The following ADAMTS16 variants were observed in gnomAD, a reference collection of about 807,000 sequenced individuals.
ADAMTS16 encodes the protein ADAM metallopeptidase with thrombospondin type 1 motif 16.
Under a neutral mutation model 145.8 loss-of-function variants are expected in ADAMTS16, and 94 were observed. The observed-to-expected ratio is 0.64, with a 90% CI of 0.55 to 0.77. The LOEUF is 0.77. Ranked by LOEUF, ADAMTS16 falls within the 30% of genes least tolerant of loss-of-function variation. The pLI is 0.00. For missense variants in ADAMTS16, 1,585 were observed against 1,591.5 expected (o/e 1.00, Z 0.07); for synonymous variants, 659 against 604.3 (o/e 1.09, Z -1.33).
intron 18 of ADAMTS16, among the ~76,000 whole-genome samples, chr5:5,294,422 C>T (rs1013907363): frequency 1.3e-5 from 2 of 152,130 alleles, no homozygotes; most frequent in African/African-American, 4.8e-5. Context: ...ACCAGAAGCC[C>T]AGGAAGGAGT....
intron 11 of ADAMTS16, among the ~76,000 whole-genome samples, chr5:5,230,938 C>G (rs183900698): frequency 6.6e-6 from 1 of 152,314 alleles, no homozygotes; most frequent in African/African-American, 2.4e-5. Flanking sequence ...GTTATTCAAC[C>G]TGTTGAAATT....
At chr5:5,301,762 A>T (rs1739783822) in intron 18 of ADAMTS16, among the ~76,000 whole-genome samples, 1 of 152,176 alleles carries the variant, frequency 6.6e-6, no homozygotes, top group Non-Finnish European at 1.5e-5. Context: ...TTACCCTGAG[A>T]TTCAGGAGCA....
At chr5:5,181,982 C>T (rs774980143) in intron 3 of ADAMTS16, 62 bp from the exon 4 acceptor site, 16 of 1,507,708 alleles carry the variant, frequency 1.1e-5, no homozygotes, top group South Asian at 1.3e-5. Flanking sequence ...CTTGGAGAAT[C>T]GGCCCTGGCT....
rs1734231952 is a variant in ADAMTS16, at chr5:5,320,234, C to G, written c.*1096C>G. On this transcript the variant is annotated 3_prime_UTR_variant, in exon 23 of 23. Coordinates refer to ENST00000274181, the MANE Select transcript of ADAMTS16 (RefSeq NM_139056.4). This position sits in a 1 kb window ranked among gnomAD's most constrained non-coding sequence, Gnocchi z 5.1. Reference sequence around the variant, plus strand: ...TGTTCTCCTGTCCGGTGCTGTGGCTCCATTCCAAAGGGGCACCTGGATATT... The same window carrying G: ...TGTTCTCCTGTCCGGTGCTGTGGCTGCATTCCAAAGGGGCACCTGGATATT... The G allele has an allele frequency of 4.0e-6, 1 of 248,190 alleles. No homozygotes were observed. The highest frequency in any genetic ancestry group is 7.7e-6 in the Non-Finnish European group (1 of 129,538). 15.4% of individuals were successfully genotyped at this position (248,190 alleles called of 1,614,324 possible).
intron 21 of ADAMTS16, among the ~76,000 whole-genome samples, chr5:5,312,507 G>A (rs1740501140): frequency 6.6e-6 from 1 of 150,544 alleles, no homozygotes; most frequent in South Asian, 2.1e-4. Flanking sequence ...TAGTGCAGTG[G>A]TGCAATCTCA....
intron 18 of ADAMTS16, among the ~76,000 whole-genome samples, chr5:5,301,548 T>G (rs1739769725): frequency 6.6e-6 from 1 of 152,208 alleles, no homozygotes; most frequent in Non-Finnish European, 1.5e-5. Context: ...TCTCTCACTG[T>G]GTAACTTGGG....
chr5:5,316,814 C>T (rs371916094), intron 21 of ADAMTS16, among the ~76,000 whole-genome samples: 1 of 152,140 alleles, frequency 6.6e-6, no homozygotes, highest in African/African-American at 2.4e-5. Flanking sequence ...CCCCGTCGGA[C>T]CACCAGAAAG....
Position 5,149,784 on chromosome 5 carries a change from A to G in ADAMTS16, c.501+3329A>G, listed in dbSNP as rs1319050756. On this transcript the variant is annotated intron_variant, in intron 3 of 22. Coordinates refer to ENST00000274181, the MANE Select transcript of ADAMTS16 (RefSeq NM_139056.4). ...GGTTTGCCTAATCTGGCCATTGATT[A>G]TAAACAGAAGCATACACTATGTGGC... is the stretch of plus-strand genomic sequence containing the variant. Among the ~76,000 whole-genome samples the G allele has an allele frequency of 2.6e-5, 4 of 152,222 alleles. No individual in the cohort carries two copies. In the East Asian group the frequency reaches 7.7e-4, roughly 29 times the overall value.
At position 5,239,268 on chromosome 5, in the gene ADAMTS16, A is replaced by C; in HGVS notation, c.2272A>C (p.Thr758Pro). 6.4e-7 allele frequency: 1 copy of C among 1,566,430 alleles called. No homozygotes were observed. Among genetic ancestry groups the C allele is most frequent in the South Asian group, 1.2e-5 (1 of 81,940 alleles). ...HRGLYTKHHHTNQYYHMVTIP... is the reference protein window; with the variant it reads ...HRGLYTKHHHPNQYYHMVTIP... The stretch of plus-strand genomic sequence containing the variant: ...GGGTCTCTACACCAAGCACCACCAC[A>C]CCAACCGTGAGTACTTTAGAGCTGC... The change falls in exon 15 of 23, where the codon ACC (threonine) becomes CCC (proline). Residue 758 changes from threonine (T) to proline (P), a missense_variant. Thr to Pro is a conservative substitution (Grantham distance 38). Around this residue, in one of 3 missense-constraint regions of ADAMTS16, gnomAD observed 834 missense variants for 811.7 expected, o/e 1.03. Coordinates refer to ENST00000274181, the MANE Select transcript of ADAMTS16 (RefSeq NM_139056.4).
intron 20 of ADAMTS16, 55 bp downstream of exon 20, chr5:5,303,821 C>A: frequency 6.4e-7 from 1 of 1,563,604 alleles, no homozygotes; most frequent in African/African-American, 1.4e-5. Flanking sequence ...CTCGGGACTG[C>A]CTCTTCTCTC....
chr5:5,234,936 C>A, intron 12 of ADAMTS16, 78 bp from the exon 13 acceptor site: 1 of 1,251,922 alleles, frequency 8.0e-7, no homozygotes, highest in Non-Finnish European at 1.1e-6. Context: ...TTAGCTTCAT[C>A]TCTCCAATAA....
rs1456081255 is a variant in ADAMTS16 at position 5,286,885 on chromosome 5, A to ATT, written c.2790-16383_2790-16382insTT. 5.7e-5 allele frequency among the ~76,000 whole-genome samples: 3 copies of ATT among 52,192 alleles called. 1 individual carries two copies. The highest frequency in any genetic ancestry group is 6.4e-4 in the East Asian group (1 of 1,570). 34.2% of individuals were successfully genotyped at this position (52,192 alleles called of 152,430 possible). ...AAAAAAAAAAAAAAAAAAAAAAAAG[A>ATT]GTTTTTATAACCCTTTAGTATGTGC... On this transcript the variant is annotated intron_variant, in intron 18 of 22. Transcript: ENST00000274181.
At chr5:5,227,074 G>A (rs1736786872) in intron 11 of ADAMTS16, among the ~76,000 whole-genome samples, 1 of 152,240 alleles carries the variant, frequency 6.6e-6, no homozygotes, top group African/African-American at 2.4e-5. Context: ...CCCTCCCTCT[G>A]AACTCATTCT....
chr5:5,240,301 G>C (rs758939277), intron 16 of ADAMTS16, among the ~76,000 whole-genome samples: 1 of 152,172 alleles, frequency 6.6e-6, no homozygotes, highest in African/African-American at 2.4e-5. Flanking sequence ...GGCAATAGGA[G>C]AGGAGAGCCC....
At chr5:5,173,843 C>A (rs1401994885) in intron 3 of ADAMTS16, among the ~76,000 whole-genome samples, 1 of 152,098 alleles carries the variant, frequency 6.6e-6, no homozygotes, top group Non-Finnish European at 1.5e-5. Context: ...AAATTCTGTG[C>A]TTTAACTTTG....
chr5:5,140,896 CTT>C (rs59628659), intron 2 of ADAMTS16, 130 bp downstream of exon 2: 54,342 of 585,144 alleles, frequency 0.093, 1 homozygote, highest in Middle Eastern at 0.15. Flanking sequence ...CTGTTGTGAA[CTT>C]TTTTTTTTTT....
At chr5:5,315,153 A>G (rs1046670798) in intron 21 of ADAMTS16, among the ~76,000 whole-genome samples, 5 of 152,200 alleles carry the variant, frequency 3.3e-5, no homozygotes, top group Non-Finnish European at 7.3e-5. Context: ...AGCAAGGAGA[A>G]GTGCTGAGGA....
chr5:5,262,792 C>G lies in ADAMTS16; in HGVS notation c.2789+9C>G. On this transcript the variant is annotated intron_variant, in intron 18 of 22. Coordinates refer to ENST00000274181, the MANE Select transcript of ADAMTS16 (RefSeq NM_139056.4). Reference sequence around the variant, plus strand: ...TCTGCCTGTCCTCCCAGGTAAGAAGCATCGCGTTCATCAAAGCAGGTTTCC... The same window carrying G: ...TCTGCCTGTCCTCCCAGGTAAGAAGGATCGCGTTCATCAAAGCAGGTTTCC... 3 of 1,612,232 alleles carry G rather than the reference C, an allele frequency of 1.9e-6. No individual in the cohort carries two copies. Among genetic ancestry groups the G allele is most frequent in the Non-Finnish European group, 2.5e-6 (3 of 1,179,500 alleles).
chr5:5,192,499 C>A lies in ADAMTS16; in HGVS notation c.1313+709C>A, dbSNP rs1355266795. Among the ~76,000 whole-genome samples, 4 of 152,130 alleles carry A rather than the reference C, an allele frequency of 2.6e-5. No homozygotes were observed. In the East Asian group the frequency reaches 7.7e-4, roughly 29 times the overall value. ...ATAGAGATGCTATTTTTCATTGGTA[C>A]TCCAAGCAAGAGTTTGGAAGAGTGG... On this transcript the variant is annotated intron_variant, in intron 8 of 22. Transcript: ENST00000274181.
Sources: gnomAD v4.1 joint callset for allele counts (sites outside exome capture counted in the v4.1 genomes callset) on GRCh38, gnomAD v4.1.1 for gene constraint, gnomAD v4.1.1 regional missense constraint, Gnocchi (gnomAD v3.1) non-coding constraint, MANE v1.5 for transcripts, NCBI Gene and HGNC (gene_info 2026-07-23, HGNC 2026-07-21) for gene names.